Variants in KATNAL2 observed in about 807,000 individuals in gnomAD.
The protein encoded by KATNAL2 is katanin p60 ATPase-containing subunit A-like 2.
In KATNAL2, 52 loss-of-function variants were observed where a neutral mutation model predicts 76.3. The observed-to-expected ratio is 0.68, with a 90% CI of 0.55 to 0.86. KATNAL2 has a LOEUF of 0.86. Among genes scored for constraint, KATNAL2 ranks in the 40% least tolerant of loss-of-function variants. The pLI is 0.00. For synonymous variants in KATNAL2, 243 were observed against 244.2 expected, an observed-to-expected ratio of 1.00 and a Z score of 0.05; for missense variants, 660 against 668.9, an observed-to-expected ratio of 0.99 and a Z score of 0.15.
intron 3 of KATNAL2, among the ~76,000 whole-genome samples, chr18:46,948,153 C>G (rs1353864371): frequency 6.6e-6 from 1 of 152,158 alleles, no homozygotes; most frequent in Non-Finnish European, 1.5e-5. Flanking sequence ...CTCTGTCGCC[C>G]AGGCTGGAGT....
intron 15 of KATNAL2, among the ~76,000 whole-genome samples, chr18:47,078,554 ATCT>A (rs376690304): frequency 6.6e-5 from 10 of 152,288 alleles, no homozygotes; most frequent in African/African-American, 2.2e-4. Context: ...TAGGGAAGGA[ATCT>A]TCTTTCCTTC....
At position 46,946,176 on chromosome 18, in the gene KATNAL2, G is replaced by T; in HGVS notation, c.-390G>T. The T allele has an allele frequency of 3.0e-6, 3 of 995,978 alleles. No individual in the cohort carries two copies. Among genetic ancestry groups the T allele is most frequent in the Non-Finnish European group, 3.6e-6 (3 of 830,302 alleles). 61.7% of individuals were successfully genotyped at this position (995,978 alleles called of 1,614,324 possible). A position where few individuals can be genotyped will look rare whatever the true frequency, so the allele number is the denominator to read the frequency against. On this transcript the variant is annotated 5_prime_UTR_variant, in exon 2 of 18. Coordinates refer to ENST00000683218, the MANE Select transcript of KATNAL2 (RefSeq NM_001387690.1). ...TTGGAATAGGATTCACAGCAAGAGA[G>T]ACAGAAGGGAAAGACATTGAAGAAA...
chr18:47,096,914 G>A (rs1334322501), intron 15 of KATNAL2, among the ~76,000 whole-genome samples: 1 of 152,034 alleles, frequency 6.6e-6, no homozygotes, highest in African/African-American at 2.4e-5. Context: ...GAGGCGGGTG[G>A]ACTGCTTGAG....
intron 6 of KATNAL2, among the ~76,000 whole-genome samples, chr18:47,055,712 C>T (rs1304151067): frequency 6.6e-6 from 1 of 152,192 alleles, no homozygotes; most frequent in East Asian, 1.9e-4. Context: ...TCATGAGGAG[C>T]GTTTGCAGCC....
chr18:47,052,360 G>A (rs1326915514), intron 4 of KATNAL2, among the ~76,000 whole-genome samples: 1 of 152,152 alleles, frequency 6.6e-6, no homozygotes, highest in Non-Finnish European at 1.5e-5. Flanking sequence ...TTATATGAAA[G>A]TTCTTTGATG....
At chr18:46,929,268 A>G (rs970021672) in intron 1 of KATNAL2, among the ~76,000 whole-genome samples, 4 of 151,438 alleles carry the variant, frequency 2.6e-5, no homozygotes, top group African/African-American at 9.7e-5. Context: ...TTTGAGACAG[A>G]GTCTCACTCT....
intron 1 of KATNAL2, among the ~76,000 whole-genome samples, chr18:46,940,141 T>C (rs978252721): frequency 1.3e-5 from 2 of 152,222 alleles, no homozygotes; most frequent in Non-Finnish European, 2.9e-5. Flanking sequence ...GAGTTAGTGA[T>C]GGGGCAAGAT....
chr18:47,056,610 T>C (rs1344304946), intron 6 of KATNAL2, among the ~76,000 whole-genome samples: 1 of 152,248 alleles, frequency 6.6e-6, no homozygotes, highest in Non-Finnish European at 1.5e-5. Context: ...TTTGGTTCCA[T>C]GTTCAGAAGA....
intron 14 of KATNAL2, among the ~76,000 whole-genome samples, chr18:47,076,793 T>C (rs1251761712): frequency 7.7e-6 from 1 of 130,608 alleles, no homozygotes; most frequent in East Asian, 2.2e-4. Flanking sequence ...ATATAATAAA[T>C]AAATTATATA....
At position 47,100,327 on chromosome 18, in the gene KATNAL2, T is replaced by C. The variant is rs2063410998; in HGVS notation, c.1448T>C (p.Ile483Thr). ...REAAMRPVRK[I>T]FDALENHQSE... ...GCAGCCATGCGGCCCGTGAGGAAGA[T>C]CTTTGATGCACTTGAAAATCACCAG... The change falls in exon 17 of 18, where the codon ATC becomes ACC. Residue 483 changes from isoleucine (I) to threonine (T), a missense_variant. Coordinates refer to ENST00000683218, the MANE Select transcript of KATNAL2 (RefSeq NM_001387690.1). 6.2e-7 allele frequency: 1 copy of C among 1,614,008 alleles called. No homozygotes were observed. Among genetic ancestry groups the C allele is most frequent in the Non-Finnish European group, 8.5e-7 (1 of 1,179,928 alleles).
chr18:47,084,206 C>T, intron 15 of KATNAL2: 2 of 584,816 alleles, frequency 3.4e-6, no homozygotes, highest in Non-Finnish European at 6.1e-6. Context: ...ACAGGGATGT[C>T]TTTCTGTTAT....
intron 1 of KATNAL2, chr18:46,920,148 T>G: frequency 8.7e-7 from 1 of 1,147,580 alleles, no homozygotes; most frequent in Non-Finnish European, 1.2e-6. Flanking sequence ...TAGGTTTGAC[T>G]GCAAAGAGTT....
chr18:47,081,646 A>T (rs927992087), intron 15 of KATNAL2, among the ~76,000 whole-genome samples: 45 of 152,172 alleles, frequency 3.0e-4, no homozygotes, highest in Non-Finnish European at 6.2e-4. Context: ...GCCTCCCAAC[A>T]TTTATTTCAC....
intron 4 of KATNAL2, among the ~76,000 whole-genome samples, chr18:47,047,717 A>G (rs2061204414): frequency 6.6e-6 from 1 of 151,660 alleles, no homozygotes; most frequent in South Asian, 2.1e-4. Context: ...AAGAGCTTAC[A>G]AACTTTTTTT....
At chr18:46,964,051 TG>T in intron 3 of KATNAL2, 1 of 456,906 alleles carries the variant, frequency 2.2e-6, no homozygotes, top group Non-Finnish European at 3.4e-6. Context: ...GATGGGCTCC[TG>T]GGGGCCGTCG....
At chr18:47,056,884 TTAATA>T (rs2061486415) in intron 6 of KATNAL2, among the ~76,000 whole-genome samples, 1 of 152,098 alleles carries the variant, frequency 6.6e-6, no homozygotes, top group African/African-American at 2.4e-5. Flanking sequence ...GTCAACACTA[TTAATA>T]TAAGTTTGCA....
In KATNAL2 at chr18:47,073,344, C is replaced by T. The variant is rs75572522; in HGVS notation, c.1009-1933C>T. Among the ~76,000 whole-genome samples, 463 of 152,302 alleles carry T rather than the reference C, an allele frequency of 3.0e-3. 9 individuals are homozygous for T. In the East Asian group the frequency reaches 0.059, roughly 20 times the overall value. ...AATATTTATATCCTTTTGTGATGTG[C>T]ATTTTTATTTTGGATATTTTAAAAA... On this transcript the variant is annotated intron_variant, in intron 13 of 17. Transcript: ENST00000683218.
chr18:46,959,711 T>C (rs1224508957), intron 3 of KATNAL2, among the ~76,000 whole-genome samples: 1 of 152,136 alleles, frequency 6.6e-6, no homozygotes, highest in Non-Finnish European at 1.5e-5. Context: ...GTAGCTGAGA[T>C]TACAGGCGTC....
chr18:47,037,366 A>C (rs1251058748), intron 3 of KATNAL2, among the ~76,000 whole-genome samples: 1 of 152,210 alleles, frequency 6.6e-6, no homozygotes, highest in African/African-American at 2.4e-5. Context: ...GAAAACAAAA[A>C]CAGCCAGATT....
Sources: allele counts gnomAD v4.1 joint callset (sites outside exome capture counted in the v4.1 genomes callset), GRCh38; gene constraint gnomAD v4.1.1; transcripts MANE v1.5; gene names NCBI Gene and HGNC (gene_info 2026-07-23, HGNC 2026-07-21).